Variants in CPLX3 observed in about 807,000 individuals in gnomAD.
CPLX3 encodes the protein complexin 3, also known as complexin-3.
A neutral mutation model predicts 17.2 loss-of-function variants in CPLX3; 12 were observed. The observed-to-expected ratio is 0.70, with a 90% CI of 0.45 to 1.13. The LOEUF (loss-of-function observed/expected upper bound fraction) is 1.13, where lower values mean the gene tolerates loss of function less well. CPLX3 is among the 50% of genes most tolerant of loss of function. The pLI, the probability that CPLX3 is intolerant of heterozygous loss-of-function variation, is 0.00. For missense variants in CPLX3, 172 were observed against 203.2 expected (o/e 0.85, Z 0.93); for synonymous variants, 75 against 79.4 (o/e 0.94, Z 0.29).
chr15:74,826,956 A>G lies in CPLX3; in HGVS notation c.164+89A>G, dbSNP rs1238024861. The G allele has an allele frequency of 6.7e-6, 8 of 1,200,196 alleles. No individual in the cohort carries two copies. Among genetic ancestry groups the G allele is most frequent in the East Asian group, 2.9e-5 (1 of 34,916 alleles). The allele number at this position is 1,200,196 out of a possible 1,614,324, so 74.3% of individuals were successfully genotyped here. Reference sequence around the variant, plus strand: ...ATCCCCGGGCCAGCCTCAGGTCCCAATCCCTTCTCCCCTACTTTCCTAGAC... The same window carrying G: ...ATCCCCGGGCCAGCCTCAGGTCCCAGTCCCTTCTCCCCTACTTTCCTAGAC... On this transcript the variant is annotated intron_variant, in intron 1 of 2. Coordinates refer to ENST00000395018, the MANE Select transcript of CPLX3 (RefSeq NM_001030005.3). This position sits in a 1 kb window ranked among gnomAD's most constrained non-coding sequence, Gnocchi z 5.0.
At chr15:74,828,856 G>A (rs1413966299) in intron 2 of CPLX3, among the ~76,000 whole-genome samples, 1 of 152,158 alleles carries the variant, frequency 6.6e-6, no homozygotes, top group Non-Finnish European at 1.5e-5. Context: ...CTGCCCCCAC[G>A]CTCCCCTGGG....
chr15:74,829,084 T>C (rs2063956689), intron 2 of CPLX3, among the ~76,000 whole-genome samples: 1 of 152,188 alleles, frequency 6.6e-6, no homozygotes, highest in Admixed American at 6.5e-5. Context: ...AACAAATATT[T>C]ACTGAGTCCC....
intron 2 of CPLX3, among the ~76,000 whole-genome samples, chr15:74,829,650 G>T (rs1046623694): frequency 5.3e-5 from 8 of 152,098 alleles, no homozygotes; most frequent in African/African-American, 1.9e-4. Flanking sequence ...CACTATTTTT[G>T]GTTACACCCT....
At position 74,830,501 on chromosome 15, in the gene CPLX3, C is replaced by A; in HGVS notation, c.*147C>A. On this transcript the variant is annotated 3_prime_UTR_variant, in exon 3 of 3. Transcript: ENST00000395018. ...TTTCCCATCCATGCCCCAAGCCTAT[C>A]TTCTGGTTTCTTCCTCTCCGCTGGG... 1 of 655,930 alleles carries A rather than the reference C, an allele frequency of 1.5e-6. No homozygotes were observed. The highest frequency in any genetic ancestry group is 2.6e-6 in the Non-Finnish European group (1 of 381,282). The allele number at this position is 655,930 out of a possible 1,614,324, so 40.6% of individuals were successfully genotyped here. A position where few individuals can be genotyped will look rare whatever the true frequency, so the allele number is the denominator to read the frequency against.
chr15:74,827,907 C>T (rs2063950831), intron 1 of CPLX3, 127 bp from the exon 2 acceptor site: 1 of 739,808 alleles, frequency 1.4e-6, no homozygotes, highest in Admixed American at 2.4e-5. Flanking sequence ...GGTTGGAGCG[C>T]TTTTGCTACA....
chr15:74,827,001 T>A (rs992860971), intron 1 of CPLX3, 134 bp downstream of exon 1: 15 of 774,498 alleles, frequency 1.9e-5, no homozygotes, highest in Admixed American at 3.2e-5. Context: ...GACCGGGAGG[T>A]GTCCTCTACA....
At position 74,826,693 on chromosome 15, in the gene CPLX3, C is replaced by T; in HGVS notation, c.-11C>T. ...GGTAGCAGGCGCCCGGTGCCCCGGC[C>T]GGCGAAGACCATGGCGTTCATGGTG... On this transcript the variant is annotated 5_prime_UTR_variant, in exon 1 of 3. Transcript: ENST00000395018. This position sits in a 1 kb window ranked among gnomAD's most constrained non-coding sequence, Gnocchi z 5.0. 1 of 1,599,864 alleles carries T rather than the reference C, an allele frequency of 6.3e-7. No homozygotes were observed. Among genetic ancestry groups the T allele is most frequent in the Non-Finnish European group, 8.5e-7 (1 of 1,174,052 alleles).
chr15:74,830,481 C>T lies in CPLX3; in HGVS notation c.*127C>T. On this transcript the variant is annotated 3_prime_UTR_variant, in exon 3 of 3. Coordinates refer to ENST00000395018, the MANE Select transcript of CPLX3 (RefSeq NM_001030005.3). ...CCCATCCTAGTTCCAAGACCTTTCC[C>T]ATCCATGCCCCAAGCCTATCTTCTG... 2 of 730,520 alleles carry T rather than the reference C, an allele frequency of 2.7e-6. No homozygotes were observed. Among genetic ancestry groups the T allele is most frequent in the Non-Finnish European group, 4.5e-6 (2 of 440,916 alleles). The allele number at this position is 730,520 out of a possible 1,614,324, so 45.3% of individuals were successfully genotyped here.
Position 74,827,965 on chromosome 15 carries a change from C to A in CPLX3, c.165-69C>A, listed in dbSNP as rs908811307. The A allele has an allele frequency of 1.6e-5, 21 of 1,292,828 alleles. No individual in the cohort carries two copies. The South Asian group carries it at 2.5e-4, about 16-fold the overall frequency. 80.1% of individuals were successfully genotyped at this position (1,292,828 alleles called of 1,614,324 possible). A position where few individuals can be genotyped will look rare whatever the true frequency, so the allele number is the denominator to read the frequency against. The stretch of plus-strand genomic sequence containing the variant: ...GCTAGGACTCAGAGACCCCTTCTGT[C>A]CCTCCCTCGAAGACCTCAACCCCCT... On this transcript the variant is annotated intron_variant, in intron 1 of 2. Coordinates refer to ENST00000395018, the MANE Select transcript of CPLX3 (RefSeq NM_001030005.3).
chr15:74,827,374 C>T (rs2063948691), intron 1 of CPLX3, among the ~76,000 whole-genome samples: 1 of 152,200 alleles, frequency 6.6e-6, no homozygotes, highest in Non-Finnish European at 1.5e-5. Context: ...GGGTTCAGAG[C>T]CTGGCTTTGC....
intron 1 of CPLX3, among the ~76,000 whole-genome samples, chr15:74,827,101 C>G (rs2063947114): frequency 6.6e-6 from 1 of 152,010 alleles, no homozygotes; most frequent in South Asian, 2.1e-4. Context: ...GGCGACCGGA[C>G]GAGGGACCGA....
rs533626135 is a variant in CPLX3, at chr15:74,830,376, C to T, written c.*22C>T. The T allele has an allele frequency of 4.0e-4, 642 of 1,592,548 alleles. 8 individuals are homozygous for T. The South Asian group carries it at 5.4e-3, about 13-fold the overall frequency. ...GTGACCACTTCCCCGGGGTTACCCA[C>T]TGGGCTGGGCCCCCATGAGGGCTAA... On this transcript the variant is annotated 3_prime_UTR_variant, in exon 3 of 3. Coordinates refer to ENST00000395018, the MANE Select transcript of CPLX3 (RefSeq NM_001030005.3).
chr15:74,829,029 CTTGAA>C (rs1271939415), intron 2 of CPLX3, among the ~76,000 whole-genome samples: 1 of 152,198 alleles, frequency 6.6e-6, no homozygotes, highest in African/African-American at 2.4e-5. Context: ...TGATCTTCCA[CTTGAA>C]TTGAATGACC....
Position 74,830,368 on chromosome 15 carries a change from G to A in CPLX3, c.*14G>A, listed in dbSNP as rs562166313. On this transcript the variant is annotated 3_prime_UTR_variant, in exon 3 of 3. Coordinates refer to ENST00000395018, the MANE Select transcript of CPLX3 (RefSeq NM_001030005.3). ...CACGTCATGTGACCACTTCCCCGGG[G>A]TTACCCACTGGGCTGGGCCCCCATG... is the stretch of plus-strand genomic sequence containing the variant. 6.2e-7 allele frequency: 1 copy of A among 1,604,062 alleles called. No homozygotes were observed. The highest frequency in any genetic ancestry group is 8.5e-7 in the Non-Finnish European group (1 of 1,174,554).
rs1239249403 is a variant in CPLX3 at position 74,830,385 on chromosome 15, GCCCCCATGAGGGC to G, written c.*32_*44del. The G allele has an allele frequency of 1.9e-6, 3 of 1,569,044 alleles. No homozygotes were observed. Among genetic ancestry groups the G allele is most frequent in the Non-Finnish European group, 2.6e-6 (3 of 1,148,550 alleles). ...TCCCCGGGGTTACCCACTGGGCTGG[GCCCCCATGAGGGC>G]TAAGAGTGTGTCAACTTCCAGGGAC... On this transcript the variant is annotated 3_prime_UTR_variant, in exon 3 of 3. Coordinates refer to ENST00000395018, the MANE Select transcript of CPLX3 (RefSeq NM_001030005.3).
intron 1 of CPLX3, among the ~76,000 whole-genome samples, chr15:74,827,114 G>A (rs1298950282): frequency 6.6e-6 from 1 of 152,202 alleles, no homozygotes; most frequent in Non-Finnish European, 1.5e-5. Context: ...GGGACCGACC[G>A]GAGCCTGGGA....
chr15:74,830,276 C>G lies in CPLX3; in HGVS notation c.399C>G (p.Asn133Lys), dbSNP rs748367134. Residue 133 changes from asparagine to lysine, a missense_variant, in exon 3 of 3, where the codon AAC becomes AAG. Coordinates refer to ENST00000395018, the MANE Select transcript of CPLX3 (RefSeq NM_001030005.3). ...AGCTGGCCAGCCTTCCTGGCTTGAA[C>G]CTGGGCTCACTCAAGGACAAGGCCC... ...LGQLASLPGL[N>K]LGSLKDKAQA... 6.2e-7 allele frequency: 1 copy of G among 1,613,966 alleles called. No individual in the cohort carries two copies. The highest frequency in any genetic ancestry group is 8.5e-7 in the Non-Finnish European group (1 of 1,180,042).
chr15:74,827,023 C>A (rs2063946627), intron 1 of CPLX3, among the ~76,000 whole-genome samples, 156 bp downstream of exon 1: 1 of 152,112 alleles, frequency 6.6e-6, no homozygotes, highest in African/African-American at 2.4e-5. Context: ...TGCCCCCAGA[C>A]CCATCCTATC....
At position 74,828,188 on chromosome 15, in the gene CPLX3, C is replaced by T. The variant is rs1420431873; in HGVS notation, c.252+67C>T. On this transcript the variant is annotated intron_variant, in intron 2 of 2. Transcript: ENST00000395018. ...CTCTGGGTTCTGGACTCCTTCGCCCCATTCTGGGCACCACAGCCCTCAGCT... is the reference window on the plus strand; with the variant it reads ...CTCTGGGTTCTGGACTCCTTCGCCCTATTCTGGGCACCACAGCCCTCAGCT... 4.0e-6 allele frequency: 5 copies of T among 1,257,522 alleles called. No individual in the cohort carries two copies. The African/African-American group carries it at 4.4e-5, about 11-fold the overall frequency. 77.9% of individuals were successfully genotyped at this position (1,257,522 alleles called of 1,614,324 possible).
Sources: gnomAD v4.1 joint callset for allele counts (sites outside exome capture counted in the v4.1 genomes callset) on GRCh38, gnomAD v4.1.1 for gene constraint, Gnocchi (gnomAD v3.1) non-coding constraint, MANE v1.5 for transcripts, NCBI Gene and HGNC (gene_info 2026-07-23, HGNC 2026-07-21) for gene names.